MYO3B: variants seen among roughly 807,000 people sequenced by gnomAD.
MYO3B encodes the protein myosin IIIB.
Under a neutral mutation model 174.6 loss-of-function variants are expected in MYO3B, and 156 were observed. The ratio of observed to expected loss-of-function variants is 0.89; its 90% CI spans 0.78 to 1.02. MYO3B has a LOEUF of 1.02. MYO3B is among the 50% of genes least tolerant of loss of function. The probability of loss-of-function intolerance (pLI) is 0.00; values close to 1 mark genes in which losing one functional copy is unlikely to be tolerated. For missense variants in MYO3B, 1,632 were observed against 1,639.4 expected (o/e 1.00, Z 0.08); for synonymous variants, 563 against 569.1 (o/e 0.99, Z 0.15).
chr2:170,343,275 A>T (rs927229253), intron 8 of MYO3B, among the ~76,000 whole-genome samples: 7 of 152,112 alleles, frequency 4.6e-5, no homozygotes, highest in African/African-American at 1.7e-4. Context: ...TCTACAAAAA[A>T]TTTAAAAATT....
At chr2:170,409,528 G>GTATA (rs774659074) in intron 22 of MYO3B, among the ~76,000 whole-genome samples, 37 of 152,320 alleles carry the variant, frequency 2.4e-4, no homozygotes, top group Non-Finnish European at 4.3e-4. Context: ...CTAAGCTTGA[G>GTATA]TATAGCTTAG....
intron 7 of MYO3B, among the ~76,000 whole-genome samples, chr2:170,328,691 A>G (rs1377667864): frequency 6.6e-6 from 1 of 152,176 alleles, no homozygotes; most frequent in East Asian, 1.9e-4. Flanking sequence ...ATGTTCACCA[A>G]TACATGAACG....
At chr2:170,473,108 A>ACTATTTTCT (rs1327188088) in intron 25 of MYO3B, among the ~76,000 whole-genome samples, 1 of 130,392 alleles carries the variant, frequency 7.7e-6, no homozygotes, top group Non-Finnish European at 1.7e-5. Context: ...CTTTTTCATC[A>ACTATTTTCT]CTATTTTCTT....
intron 7 of MYO3B, among the ~76,000 whole-genome samples, chr2:170,285,688 G>A (rs561683570): frequency 2.0e-5 from 3 of 151,944 alleles, no homozygotes; most frequent in African/African-American, 4.8e-5. Flanking sequence ...TGACTTTATG[G>A]TATTTATTAT....
At chr2:170,629,245 T>C (rs1696730547) in intron 32 of MYO3B, among the ~76,000 whole-genome samples, 1 of 152,238 alleles carries the variant, frequency 6.6e-6, no homozygotes, top group South Asian at 2.1e-4. Flanking sequence ...GCTGGACTTC[T>C]GCTGGACTGC....
intron 1 of MYO3B, among the ~76,000 whole-genome samples, chr2:170,179,527 T>C (rs1169260650): frequency 2.6e-5 from 4 of 152,194 alleles, no homozygotes; most frequent in African/African-American, 9.6e-5. Flanking sequence ...ATGCTGTTAT[T>C]GTGGGAGACG....
At chr2:170,537,448 A>AT (rs559086883) in intron 30 of MYO3B, among the ~76,000 whole-genome samples, 3,525 of 54,594 alleles carry the variant, frequency 0.065, 719 homozygotes, top group Non-Finnish European at 0.075. Flanking sequence ...GAGCTCTTTG[A>AT]TTTTTTTTTT....
intron 6 of MYO3B, among the ~76,000 whole-genome samples, chr2:170,234,968 CAT>C (rs2105295366): frequency 6.6e-6 from 1 of 152,344 alleles, no homozygotes; most frequent in East Asian, 1.9e-4. Flanking sequence ...CTTGCTAAAA[CAT>C]AAGCTAGATC....
chr2:170,442,429 T>A (rs1053212184), intron 22 of MYO3B, among the ~76,000 whole-genome samples: 3 of 152,180 alleles, frequency 2.0e-5, no homozygotes, highest in African/African-American at 7.2e-5. Context: ...TCAGTGAAGT[T>A]TCTGTTCAAA....
At chr2:170,296,187 C>T (rs888108365) in intron 7 of MYO3B, among the ~76,000 whole-genome samples, 5 of 152,180 alleles carry the variant, frequency 3.3e-5, no homozygotes, top group African/African-American at 7.2e-5. Context: ...CCCTAAAGTT[C>T]CCACCCTGAT....
rs1005984004 is a variant in MYO3B, at chr2:170,404,374, C to T, written c.2405C>T (p.Pro802Leu). The T allele has an allele frequency of 1.9e-6, 3 of 1,613,270 alleles. No individual in the cohort carries two copies. The highest frequency in any genetic ancestry group is 2.2e-5 in the East Asian group (1 of 44,870). The change falls in exon 20 of 35, where the codon CCC becomes CTC. Residue 802 changes from proline (P) to leucine (L), a missense_variant. Coordinates refer to ENST00000408978, the MANE Select transcript of MYO3B (RefSeq NM_138995.5). The part of the protein sequence containing the change: ...LALLDEESRF[P>L]QATDQTLVDK... ...CTTTTGGATGAGGAAAGTCGGTTTC[C>T]CCAAGCAACTGACCAGACCCTGGTT...
chr2:170,336,686 A>G (rs1428035551), intron 8 of MYO3B, among the ~76,000 whole-genome samples: 2 of 152,130 alleles, frequency 1.3e-5, no homozygotes, highest in Non-Finnish European at 2.9e-5. Context: ...GCTGCCCCAT[A>G]TCCTGCTGGG....
rs554077825 is a variant in MYO3B, at chr2:170,532,917, CAG to C, written c.3576-9982_3576-9981del. ...GTATGTGTATATATCAATACAGAGA[CAG>C]AGAGAGGACAAAGCAAATATGTAAG... On this transcript the variant is annotated intron_variant, in intron 30 of 34. Transcript: ENST00000408978. Among the ~76,000 whole-genome samples, 298 of 151,412 alleles carry C rather than the reference CAG, an allele frequency of 2.0e-3. 1 individual carries two copies. The highest frequency in any genetic ancestry group is 3.6e-3 in the Non-Finnish European group (247 of 67,906).
At chr2:170,617,544 T>C (rs1331677762) in intron 32 of MYO3B, among the ~76,000 whole-genome samples, 2 of 152,238 alleles carry the variant, frequency 1.3e-5, no homozygotes, top group East Asian at 3.8e-4. Flanking sequence ...GATTTACTTA[T>C]AACACTTTCT....
At chr2:170,267,923 A>T (rs1294238960) in intron 7 of MYO3B, among the ~76,000 whole-genome samples, 1 of 152,152 alleles carries the variant, frequency 6.6e-6, no homozygotes, top group Non-Finnish European at 1.5e-5. Context: ...GAAACTGTAG[A>T]AAGTCCAGGT....
chr2:170,565,747 A>C (rs185688480), intron 32 of MYO3B, among the ~76,000 whole-genome samples: 4 of 152,340 alleles, frequency 2.6e-5, no homozygotes, highest in Admixed American at 2.0e-4. Context: ...GAAAGAGATT[A>C]GTAGTGGGCC....
intron 5 of MYO3B, 109 bp from the exon 6 acceptor site, chr2:170,217,210 G>A: frequency 1.1e-6 from 1 of 878,962 alleles, no homozygotes; most frequent in East Asian, 2.4e-5. Context: ...AGACCATATG[G>A]CCCACAAAGC....
chr2:170,586,567 T>C (rs1395915370), intron 32 of MYO3B, among the ~76,000 whole-genome samples: 2 of 152,254 alleles, frequency 1.3e-5, no homozygotes, highest in African/African-American at 4.8e-5. Flanking sequence ...ACTAAAAATT[T>C]TGATGTCTTT....
At chr2:170,636,758 G>C (rs1697519457) in intron 32 of MYO3B, among the ~76,000 whole-genome samples, 1 of 152,124 alleles carries the variant, frequency 6.6e-6, no homozygotes, top group Admixed American at 6.5e-5. Context: ...AATGCTGCCA[G>C]GTTTCTGATT....
Sources: gnomAD v4.1 joint callset for allele counts (sites outside exome capture counted in the v4.1 genomes callset) on GRCh38, gnomAD v4.1.1 for gene constraint, MANE v1.5 for transcripts, NCBI Gene and HGNC (gene_info 2026-07-23, HGNC 2026-07-21) for gene names.